Variants in ZMYM1 observed in about 807,000 individuals in gnomAD.
ZMYM1 encodes the protein zinc finger MYM-type protein 1.
In ZMYM1, 39 loss-of-function variants were observed where a neutral mutation model predicts 60.0. That is an observed-to-expected ratio of 0.65 (90% CI 0.50 to 0.85). ZMYM1 has a LOEUF of 0.85. ZMYM1 is among the 40% of genes least tolerant of loss of function. ZMYM1 has a pLI of 0.00. For synonymous variants in ZMYM1, 413 were observed against 454.0 expected (o/e 0.91, Z 1.15); for missense variants, 1,171 against 1,309.5 (o/e 0.89, Z 1.63).
At chr1:35,081,816 C>T (rs1642404004) in intron 1 of ZMYM1, among the ~76,000 whole-genome samples, 1 of 152,044 alleles carries the variant, frequency 6.6e-6, no homozygotes, top group Non-Finnish European at 1.5e-5. Flanking sequence ...CTGTTTCAGC[C>T]TCCTGAGTAG....
At chr1:35,061,516 C>T (rs1029053291) in intron 1 of ZMYM1, among the ~76,000 whole-genome samples, 4 of 152,034 alleles carry the variant, frequency 2.6e-5, no homozygotes, top group Admixed American at 2.6e-4. Flanking sequence ...GTGGCTCACG[C>T]CTGTAATCCT....
At chr1:35,086,021 A>G (rs1402343020) in intron 1 of ZMYM1, among the ~76,000 whole-genome samples, 1 of 152,226 alleles carries the variant, frequency 6.6e-6, no homozygotes. Flanking sequence ...TGTGGTTTTC[A>G]GGACTGAAAG....
At chr1:35,068,082 C>T (rs1384265966) in intron 1 of ZMYM1, among the ~76,000 whole-genome samples, 1 of 151,786 alleles carries the variant, frequency 6.6e-6, no homozygotes, top group East Asian at 2.0e-4. Context: ...CCACAGCACT[C>T]AGCCTAAAAT....
At chr1:35,104,524 G>A in intron 5 of ZMYM1, 33 bp from the exon 6 acceptor site, 1 of 1,612,316 alleles carries the variant, frequency 6.2e-7, no homozygotes. Context: ...TTAAATATCA[G>A]AGTTTTTACT....
intron 4 of ZMYM1, among the ~76,000 whole-genome samples, chr1:35,100,615 C>T (rs1313233406): frequency 6.7e-6 from 1 of 148,152 alleles, no homozygotes; most frequent in African/African-American, 2.5e-5. Flanking sequence ...GAGTGAGACC[C>T]TGTCTCAAAA....
At chr1:35,069,095 A>G (rs900692782) in intron 1 of ZMYM1, among the ~76,000 whole-genome samples, 1 of 152,164 alleles carries the variant, frequency 6.6e-6, no homozygotes, top group Admixed American at 6.5e-5. Context: ...CAGCCTCCCA[A>G]AGTGCTGGGA....
intron 9 of ZMYM1, among the ~76,000 whole-genome samples, chr1:35,112,530 TATA>T (rs1241775052): frequency 1.4e-5 from 2 of 141,188 alleles, no homozygotes; most frequent in Non-Finnish European, 3.0e-5. Context: ...AAAATATAAA[TATA>T]TAATATAAAT....
At chr1:35,098,801 G>A (rs1490950103) in intron 4 of ZMYM1, among the ~76,000 whole-genome samples, 2 of 152,046 alleles carry the variant, frequency 1.3e-5, no homozygotes, top group African/African-American at 2.4e-5. Context: ...CAGCTACTTG[G>A]GAGGCTGAAG....
intron 7 of ZMYM1, 108 bp from the exon 8 acceptor site, chr1:35,111,664 C>A: frequency 9.2e-7 from 1 of 1,085,548 alleles, no homozygotes; most frequent in Non-Finnish European, 1.2e-6. Context: ...CCTACCAATT[C>A]CTTAAGCTAT....
upstream of ZMYM1, among the ~76,000 whole-genome samples, chr1:35,074,707 C>A (rs1642135147): frequency 6.6e-6 from 1 of 151,996 alleles, no homozygotes; most frequent in Non-Finnish European, 1.5e-5. Flanking sequence ...GCACCCAGCC[C>A]TCTTTGTTGA....
At chr1:35,092,008 C>A (rs1236563844) in intron 1 of ZMYM1, among the ~76,000 whole-genome samples, 1 of 151,982 alleles carries the variant, frequency 6.6e-6, no homozygotes, top group Non-Finnish European at 1.5e-5. Flanking sequence ...TGACTGCAAC[C>A]TCTGCCTCCC....
chr1:35,101,951 T>C (rs1018323203), intron 4 of ZMYM1, among the ~76,000 whole-genome samples: 1 of 152,186 alleles, frequency 6.6e-6, no homozygotes, highest in Non-Finnish European at 1.5e-5. Context: ...GTTATGTAGA[T>C]TATGAATATT....
intron 6 of ZMYM1, among the ~76,000 whole-genome samples, chr1:35,106,057 C>T (rs1447259418): frequency 6.6e-6 from 1 of 151,926 alleles, no homozygotes; most frequent in Non-Finnish European, 1.5e-5. Context: ...GAGTTCAGAA[C>T]CAGCCTGAGC....
upstream of ZMYM1, chr1:35,079,039 A>G (rs569036680): frequency 6.6e-6 from 1 of 151,868 alleles, no homozygotes; most frequent in Admixed American, 6.6e-5. Flanking sequence ...CGATGCAGCC[A>G]CTACAATTAT....
chr1:35,100,877 A>T (rs572001321), intron 4 of ZMYM1, among the ~76,000 whole-genome samples: 1 of 151,580 alleles, frequency 6.6e-6, no homozygotes, highest in African/African-American at 2.4e-5. Flanking sequence ...ATCTTGGCTC[A>T]CTGCAGCCTC....
chr1:35,086,736 C>T (rs111528766), intron 1 of ZMYM1, among the ~76,000 whole-genome samples: 1 of 151,582 alleles, frequency 6.6e-6, no homozygotes, highest in South Asian at 2.1e-4. Flanking sequence ...GCTTGAGCGA[C>T]AGTGAGCTTG....
At chr1:35,089,738 CTTTTT>C (rs71029065) in intron 1 of ZMYM1, among the ~76,000 whole-genome samples, 9 of 60,988 alleles carry the variant, frequency 1.5e-4, no homozygotes, top group African/African-American at 5.7e-4. Context: ...AGTTGTAAGG[CTTTTT>C]TTTTTTTTTT....
chr1:35,110,251 A>G, intron 6 of ZMYM1, 43 bp from the exon 7 acceptor site: 1 of 1,337,950 alleles, frequency 7.5e-7, no homozygotes. Flanking sequence ...TTAACAACAT[A>G]TCATATACCA....
upstream of ZMYM1, among the ~76,000 whole-genome samples, chr1:35,075,641 T>G (rs1437193948): frequency 1.3e-5 from 2 of 152,152 alleles, no homozygotes; most frequent in Non-Finnish European, 2.9e-5. Flanking sequence ...TTAATTGCCC[T>G]AATAAGAGCA....
Sources: allele counts gnomAD v4.1 joint callset (sites outside exome capture counted in the v4.1 genomes callset), GRCh38; gene constraint gnomAD v4.1.1; transcripts MANE v1.5; gene names NCBI Gene and HGNC (gene_info 2026-07-23, HGNC 2026-07-21).